MEI1: variants seen among roughly 807,000 people sequenced by gnomAD.
MEI1 encodes the protein meiotic double-stranded break formation protein 1, also known as meiosis inhibitor protein 1.
A neutral mutation model predicts 146.2 loss-of-function variants in MEI1; 103 were observed. The observed-to-expected ratio is 0.70, with a 90% confidence interval of 0.60 to 0.83. MEI1 has a LOEUF of 0.83. MEI1 is among the 40% of genes least tolerant of loss of function. The pLI is 0.00. For missense variants in MEI1, 1,529 were observed against 1,533.0 expected, an observed-to-expected ratio of 1.00 and a Z score of 0.04; for synonymous variants, 652 against 628.2, an observed-to-expected ratio of 1.04 and a Z score of -0.57.
chr22:41,771,063 C>T (rs2075155036), intron 20 of MEI1, 102 bp downstream of exon 20: 1 of 1,260,404 alleles, frequency 7.9e-7, no homozygotes. Context: ...TGCTTCAGCC[C>T]ACCTCCAGAC....
At chr22:41,788,176 C>T (rs573676172) in intron 26 of MEI1, among the ~76,000 whole-genome samples, 42 of 151,946 alleles carry the variant, frequency 2.8e-4, no homozygotes, top group African/African-American at 9.2e-4. Context: ...ACTACAGGTA[C>T]GCACCACAAT....
Position 41,732,183 on chromosome 22 carries a change from G to A in MEI1, c.1097-62G>A, listed in dbSNP as rs543383580. Reference sequence around the variant, plus strand: ...GTCCAGAGCCTGTCACCTCTTCTGGGTGGGCAGTGAAGGAACAAGAGAGCA... The same window carrying A: ...GTCCAGAGCCTGTCACCTCTTCTGGATGGGCAGTGAAGGAACAAGAGAGCA... On this transcript the variant is annotated intron_variant, in intron 9 of 30. Coordinates refer to ENST00000401548, the MANE Select transcript of MEI1 (RefSeq NM_152513.4). 2.4e-5 allele frequency: 32 copies of A among 1,316,308 alleles called. 1 individual carries two copies. The South Asian group carries it at 3.6e-4, about 15-fold the overall frequency. The allele number at this position is 1,316,308 out of a possible 1,614,324, so 81.5% of individuals were successfully genotyped here.
At chr22:41,767,934 G>C (rs1454142176) in intron 19 of MEI1, among the ~76,000 whole-genome samples, 2 of 152,172 alleles carry the variant, frequency 1.3e-5, no homozygotes, top group Non-Finnish European at 2.9e-5. Flanking sequence ...TTGAAGCTGA[G>C]AGCAGAGTAT....
chr22:41,734,574 A>G (rs1174636978), intron 11 of MEI1, among the ~76,000 whole-genome samples: 3 of 152,252 alleles, frequency 2.0e-5, no homozygotes, highest in Admixed American at 2.0e-4. Flanking sequence ...GACTGAGGCC[A>G]CAGAGTGAGA....
chr22:41,713,940 A>G, intron 3 of MEI1, 62 bp from the exon 4 acceptor site: 3 of 1,379,870 alleles, frequency 2.2e-6, no homozygotes, highest in East Asian at 2.5e-5. Context: ...TAGAAGGGCC[A>G]TGGAAGGTGG....
At chr22:41,782,463 A>G (rs984921246) in intron 24 of MEI1, among the ~76,000 whole-genome samples, 1 of 151,982 alleles carries the variant, frequency 6.6e-6, no homozygotes, top group Non-Finnish European at 1.5e-5. Context: ...TCCACAGAGC[A>G]CCTCCTTCCC....
At chr22:41,798,598 G>A (rs1277280991) in intron 30 of MEI1, among the ~76,000 whole-genome samples, 2 of 151,282 alleles carry the variant, frequency 1.3e-5, no homozygotes, top group African/African-American at 2.4e-5. Flanking sequence ...AAAGCTTGGG[G>A]GCCGGGCGCA....
At chr22:41,712,688 G>T in intron 3 of MEI1, among the ~76,000 whole-genome samples, 1 of 150,830 alleles carries the variant, frequency 6.6e-6, no homozygotes, top group Non-Finnish European at 1.5e-5. Context: ...GTGTGTGTGT[G>T]TGTGTGTGTG....
In MEI1 at chr22:41,699,706, C is replaced by T. The variant is rs1368535590; in HGVS notation, c.168C>T (p.Gly56=). The change falls in exon 1 of 31, where the codon GGC becomes GGT. Residue 56 remains glycine (G), a synonymous_variant. Transcript: ENST00000401548. ...CGCTGGAGCTGCTGCCGGACCCCGG[C>T]GTGTCGGTGCGGGCGGAACCTTTTC... ...ACALELLPDP[G]VSLVRKKHML... is the part of the protein sequence containing the mutation. The T allele has an allele frequency of 4.5e-6, 7 of 1,570,432 alleles. No individual in the cohort carries two copies. The highest frequency in any genetic ancestry group is 6.0e-6 in the Non-Finnish European group (7 of 1,159,200).
At chr22:41,735,396 G>A (rs1002015182) in intron 11 of MEI1, among the ~76,000 whole-genome samples, 6 of 151,368 alleles carry the variant, frequency 4.0e-5, no homozygotes, top group Non-Finnish European at 5.9e-5. Flanking sequence ...CACTACACCC[G>A]GCTAATTTTG....
chr22:41,756,809 C>G (rs2074118836), intron 17 of MEI1, among the ~76,000 whole-genome samples: 1 of 152,202 alleles, frequency 6.6e-6, no homozygotes, highest in Non-Finnish European at 1.5e-5. Flanking sequence ...AATATTCTTT[C>G]TTTTATGAAA....
chr22:41,730,506 C>T lies in MEI1; in HGVS notation c.980-15C>T, dbSNP rs371001211. ...TGGCTGTCATTTATTGTTTTCTCAT[C>T]CTCTCCCTTGTTAGAGTTCCTCTTT... On this transcript the variant is annotated splice_polypyrimidine_tract_variant and intron_variant, in intron 8 of 30. Coordinates refer to ENST00000401548, the MANE Select transcript of MEI1 (RefSeq NM_152513.4). 3.8e-6 allele frequency: 6 copies of T among 1,572,446 alleles called. No homozygotes were observed. The highest frequency in any genetic ancestry group is 2.7e-5 in the African/African-American group (2 of 74,038).
At chr22:41,767,267 A>G (rs1434249490) in intron 19 of MEI1, among the ~76,000 whole-genome samples, 6 of 152,198 alleles carry the variant, frequency 3.9e-5, no homozygotes, top group Admixed American at 3.9e-4. Context: ...GAAGCAGGGT[A>G]ACCTTGTATA....
intron 6 of MEI1, among the ~76,000 whole-genome samples, chr22:41,722,513 C>T (rs1180056210): frequency 1.5e-5 from 2 of 137,694 alleles, no homozygotes; most frequent in African/African-American, 5.5e-5. Context: ...CCACTATGCT[C>T]ATAAGCTGTT....
intron 18 of MEI1, 95 bp from the exon 19 acceptor site, chr22:41,763,079 A>T: frequency 4.3e-6 from 6 of 1,401,444 alleles, no homozygotes; most frequent in Non-Finnish European, 5.9e-6. Context: ...TTGGGGCAGG[A>T]CAGTGGGCTG....
chr22:41,793,595 C>T (rs933828030), intron 26 of MEI1, among the ~76,000 whole-genome samples: 4 of 152,222 alleles, frequency 2.6e-5, no homozygotes, highest in Admixed American at 6.5e-5. Context: ...AGCCACTGTG[C>T]CTAGCCCAAA....
chr22:41,735,057 G>A (rs1464225387), intron 11 of MEI1, among the ~76,000 whole-genome samples: 1 of 151,318 alleles, frequency 6.6e-6, no homozygotes, highest in Non-Finnish European at 1.5e-5. Context: ...CGCCTCCCAG[G>A]TTCACGCCAT....
At chr22:41,758,625 T>C in intron 18 of MEI1, 92 bp downstream of exon 18, 1 of 1,306,022 alleles carries the variant, frequency 7.7e-7, no homozygotes, top group Non-Finnish European at 1.0e-6. Context: ...CCAAGCCTGA[T>C]GCTGGGCACT....
intron 15 of MEI1, among the ~76,000 whole-genome samples, chr22:41,749,801 G>A (rs759598261): frequency 5.3e-5 from 8 of 151,972 alleles, no homozygotes; most frequent in Non-Finnish European, 1.2e-4. Flanking sequence ...TGAAAGAGAG[G>A]GAACAGTTCA....
Sources: allele counts gnomAD v4.1 joint callset (sites outside exome capture counted in the v4.1 genomes callset), GRCh38; gene constraint gnomAD v4.1.1; transcripts MANE v1.5; gene names NCBI Gene and HGNC (gene_info 2026-07-23, HGNC 2026-07-21).